The following HTR2C variants were observed in gnomAD, a reference collection of about 807,000 sequenced individuals.
HTR2C encodes the protein 5-hydroxytryptamine receptor 2C, also known as 5-hydroxytryptamine (serotonin) receptor 2C, G protein-coupled.
A neutral mutation model predicts 21.0 loss-of-function variants in HTR2C; 5 were observed. That is an observed-to-expected ratio of 0.24 (90% CI 0.12 to 0.50). The LOEUF is 0.50. Among genes scored for constraint, HTR2C ranks in the 20% least tolerant of loss-of-function variants. HTR2C has a pLI of 0.98. For synonymous variants in HTR2C, 150 were observed against 145.3 expected, an observed-to-expected ratio of 1.03 and a Z score of -0.23; for missense variants, 271 against 371.2, an observed-to-expected ratio of 0.73 and a Z score of 2.22.
intron 2 of HTR2C, among the ~76,000 whole-genome samples, chrX:114,668,443 T>C (rs975401035): frequency 6.3e-5 from 7 of 111,955 alleles, no homozygotes; most frequent in Non-Finnish European, 1.1e-4. Context: ...TTTAAAATTT[T>C]TATTTAGCTC....
chrX:114,622,779 G>A (rs1556402043), intron 2 of HTR2C, among the ~76,000 whole-genome samples: 1 of 111,960 alleles, frequency 8.9e-6, no homozygotes. Flanking sequence ...GCAGAGCAAA[G>A]GGAGAATTTC....
chrX:114,594,771 T>G (rs1326133973), intron 1 of HTR2C, among the ~76,000 whole-genome samples: 1 of 110,137 alleles, frequency 9.1e-6, no homozygotes, highest in Non-Finnish European at 1.9e-5. Context: ...CTTTCCATTC[T>G]CTCTTAACTC....
intron 4 of HTR2C, among the ~76,000 whole-genome samples, chrX:114,832,689 A>G (rs1206579302): frequency 2.8e-5 from 1 of 35,171 alleles, no homozygotes. Flanking sequence ...AATACCCTTT[A>G]TTTCTTTCTC....
chrX:114,845,859 A>T (rs1189349998), intron 4 of HTR2C, among the ~76,000 whole-genome samples: 2 of 109,265 alleles, frequency 1.8e-5, no homozygotes, highest in African/African-American at 3.3e-5. Flanking sequence ...AAAAAAATTT[A>T]AAAATTAGAC....
chrX:114,670,029 A>G (rs782014666), intron 2 of HTR2C, among the ~76,000 whole-genome samples: 1 of 111,563 alleles, frequency 9.0e-6, no homozygotes, highest in Non-Finnish European at 1.9e-5. Context: ...ACTTGAAGTG[A>G]GGAGTTTGAG....
intron 2 of HTR2C, among the ~76,000 whole-genome samples, chrX:114,719,147 G>A (rs377513209): frequency 4.7e-5 from 5 of 107,128 alleles, no homozygotes; most frequent in Admixed American, 1.0e-4. Context: ...CAATTATTCC[G>A]TCAATTATCT....
intron 2 of HTR2C, among the ~76,000 whole-genome samples, chrX:114,645,008 T>C (rs2147829538): frequency 9.0e-6 from 1 of 110,504 alleles, no homozygotes; most frequent in Non-Finnish European, 1.9e-5. Context: ...ATAACATTTT[T>C]CAGGAAGGGA....
intron 3 of HTR2C, among the ~76,000 whole-genome samples, chrX:114,728,723 A>G (rs2069507046): frequency 9.0e-6 from 1 of 111,529 alleles, no homozygotes; most frequent in Non-Finnish European, 1.9e-5. Flanking sequence ...GATAGGCTAG[A>G]TAACTACTTG....
At chrX:114,663,035 G>A (rs191511436) in intron 2 of HTR2C, among the ~76,000 whole-genome samples, 68 of 111,466 alleles carry the variant, frequency 6.1e-4, no homozygotes, top group Non-Finnish European at 1.2e-3. Context: ...TATAAGTAAC[G>A]TGCTAATCAT....
chrX:114,703,549 G>C (rs1295390296), intron 2 of HTR2C, among the ~76,000 whole-genome samples: 4 of 111,600 alleles, frequency 3.6e-5, no homozygotes, highest in Admixed American at 1.9e-4. Flanking sequence ...TCTCTGGGAC[G>C]CTTTCAAAGC....
At chrX:114,624,176 G>C (rs1321646381) in intron 2 of HTR2C, among the ~76,000 whole-genome samples, 1 of 110,301 alleles carries the variant, frequency 9.1e-6, no homozygotes. Flanking sequence ...GATTATGGGC[G>C]TGACCTACCC....
chrX:114,785,138 C>T (rs1161208200), intron 4 of HTR2C, among the ~76,000 whole-genome samples: 1 of 111,720 alleles, frequency 9.0e-6, no homozygotes, highest in East Asian at 2.8e-4. Context: ...ATTAAAAGAA[C>T]CAAATTTCTT....
chrX:114,867,705 G>A (rs2071057077), intron 5 of HTR2C, among the ~76,000 whole-genome samples: 1 of 111,908 alleles, frequency 8.9e-6, no homozygotes, highest in Non-Finnish European at 1.9e-5. Flanking sequence ...CAGGGGTCTA[G>A]TTCTATTATT....
chrX:114,903,095 CT>C (rs1181855176), intron 5 of HTR2C, among the ~76,000 whole-genome samples: 3 of 111,603 alleles, frequency 2.7e-5, no homozygotes, highest in African/African-American at 9.8e-5. Flanking sequence ...AGACACCCCC[CT>C]AGGGTCCTTG....
At chrX:114,875,003 T>C (rs1488669984) in intron 5 of HTR2C, among the ~76,000 whole-genome samples, 1 of 111,215 alleles carries the variant, frequency 9.0e-6, no homozygotes, top group African/African-American at 3.3e-5. Context: ...GGACAGCATA[T>C]AGATAAGTAA....
chrX:114,898,215 G>A (rs951415442), intron 5 of HTR2C, among the ~76,000 whole-genome samples: 5 of 112,715 alleles, frequency 4.4e-5, no homozygotes, highest in African/African-American at 1.6e-4. Flanking sequence ...CTTTGAAGAA[G>A]TGTCTGTTCA....
rs782303573 is a variant in HTR2C, at chrX:114,813,931, A to AAT, written c.350-34065_350-34064dup. On this transcript the variant is annotated intron_variant, in intron 4 of 5. Coordinates refer to ENST00000276198, the MANE Select transcript of HTR2C (RefSeq NM_000868.4). ...AGATATAAACAGAAAATTACAATAC[A>AAT]ATATATATGCTAGGATACAGATATA... Among the ~76,000 whole-genome samples, 190 of 111,688 alleles carry AAT rather than the reference A, an allele frequency of 1.7e-3. 4 individuals carry two copies. Among genetic ancestry groups the AAT allele is most frequent in the Admixed American group, 0.016 (163 of 10,368 alleles).
chrX:114,640,389 A>G (rs1001547124), intron 2 of HTR2C, among the ~76,000 whole-genome samples: 24 of 111,885 alleles, frequency 2.1e-4, no homozygotes, highest in Middle Eastern at 4.2e-3. Context: ...ACGGAATGCT[A>G]GTTAGAATAA....
intron 4 of HTR2C, among the ~76,000 whole-genome samples, chrX:114,821,134 C>G (rs1271869120): frequency 4.1e-4 from 45 of 111,051 alleles, no homozygotes; most frequent in Non-Finnish European, 5.7e-5. Flanking sequence ...TAGTCAAACA[C>G]TTGGTTGTAC....
Sources: gnomAD v4.1 joint callset for allele counts (sites outside exome capture counted in the v4.1 genomes callset) on GRCh38, gnomAD v4.1.1 for gene constraint, MANE v1.5 for transcripts, NCBI Gene and HGNC (gene_info 2026-07-23, HGNC 2026-07-21) for gene names.